The following IL21R variants were observed in gnomAD, a reference collection of about 807,000 sequenced individuals.
IL21R encodes the protein interleukin 21 receptor.
IL21R carries 14 observed loss-of-function variants against 41.3 expected under a neutral mutation model. The ratio of observed to expected loss-of-function variants is 0.34; its 90% CI spans 0.22 to 0.53. The LOEUF (loss-of-function observed/expected upper bound fraction) is 0.53, where lower values mean the gene tolerates loss of function less well. IL21R is among the 20% of genes least tolerant of loss of function. The probability of loss-of-function intolerance (pLI) is 0.94; values close to 1 mark genes in which losing one functional copy is unlikely to be tolerated. For missense variants in IL21R, 588 were observed against 681.6 expected (o/e 0.86, Z 1.53); for synonymous variants, 286 against 287.6 (o/e 0.99, Z 0.05).
intron 3 of IL21R, among the ~76,000 whole-genome samples, chr16:27,436,547 G>T (rs1267550171): frequency 6.6e-6 from 1 of 152,172 alleles, no homozygotes; most frequent in Non-Finnish European, 1.5e-5. Flanking sequence ...ATCCCTACTG[G>T]GCCTAGAGAG....
At chr16:27,426,131 A>G (rs2087073117) in intron 1 of IL21R, among the ~76,000 whole-genome samples, 1 of 152,148 alleles carries the variant, frequency 6.6e-6, no homozygotes, top group Non-Finnish European at 1.5e-5. Flanking sequence ...TGTGATTATC[A>G]TTACTCCCAT....
chr16:27,404,163 C>T (rs2086703505), intron 1 of IL21R, among the ~76,000 whole-genome samples: 1 of 152,170 alleles, frequency 6.6e-6, no homozygotes, highest in Admixed American at 6.5e-5. Context: ...CACCTGCTCC[C>T]CACCGTGGGC....
intron 1 of IL21R, among the ~76,000 whole-genome samples, chr16:27,424,265 G>T (rs1280605317): frequency 6.6e-6 from 1 of 152,010 alleles, no homozygotes; most frequent in Non-Finnish European, 1.5e-5. Context: ...AGTAGAGATG[G>T]GTTTCACCAT....
At chr16:27,440,904 A>G (rs2087376526) in intron 4 of IL21R, among the ~76,000 whole-genome samples, 1 of 151,994 alleles carries the variant, frequency 6.6e-6, no homozygotes, top group South Asian at 2.1e-4. Flanking sequence ...TACAAAAATT[A>G]GCCAGTCATG....
chr16:27,413,445 G>A (rs1313054906), intron 1 of IL21R, among the ~76,000 whole-genome samples: 1 of 151,986 alleles, frequency 6.6e-6, no homozygotes, highest in African/African-American at 2.4e-5. Context: ...GTCTGGCTTT[G>A]GTACTGGGGC....
intron 2 of IL21R, among the ~76,000 whole-genome samples, chr16:27,430,379 T>C (rs998402978): frequency 6.6e-6 from 1 of 152,206 alleles, no homozygotes; most frequent in Non-Finnish European, 1.5e-5. Flanking sequence ...TGTCTTCGGG[T>C]GTCACTGGGG....
At chr16:27,409,790 G>T (rs1295538986) in intron 1 of IL21R, among the ~76,000 whole-genome samples, 3 of 152,050 alleles carry the variant, frequency 2.0e-5, no homozygotes, top group South Asian at 4.2e-4. Context: ...CTTCAAAATT[G>T]TCTAAACTAT....
intron 1 of IL21R, among the ~76,000 whole-genome samples, chr16:27,407,865 C>T (rs1217916459): frequency 6.9e-6 from 1 of 145,230 alleles, no homozygotes; most frequent in Non-Finnish European, 1.5e-5. Flanking sequence ...AACGTATCCT[C>T]ACCAAATACA....
At chr16:27,434,513 C>T (rs2087232897) in intron 3 of IL21R, 64 bp downstream of exon 3, 7 of 1,007,318 alleles carry the variant, frequency 6.9e-6, no homozygotes, top group Middle Eastern at 2.0e-4. Context: ...AGTGATTCCC[C>T]CAGGAGGACA....
chr16:27,416,418 G>A lies in IL21R; in HGVS notation c.-16-13638G>A, dbSNP rs144691149. Among the ~76,000 whole-genome samples the A allele has an allele frequency of 1.4e-4, 21 of 152,210 alleles. No homozygotes were observed. The East Asian group carries it at 3.3e-3, about 24-fold the overall frequency. On this transcript the variant is annotated intron_variant, in intron 1 of 8. Coordinates refer to ENST00000337929, the MANE Select transcript of IL21R (RefSeq NM_181078.3). ...CTCCCAGAGTGCTGGGATTACAGGC[G>A]TGAACCACCGCACCCAGCCTAATTC...
chr16:27,425,076 C>A (rs2087053969), intron 1 of IL21R, among the ~76,000 whole-genome samples: 2 of 152,226 alleles, frequency 1.3e-5, no homozygotes, highest in South Asian at 4.1e-4. Flanking sequence ...TCACCTCCCA[C>A]CAGGCCCCAC....
In IL21R at chr16:27,449,099, C is replaced by T. The variant is rs201496200; in HGVS notation, c.1433C>T (p.Ala478Val). 1.4e-4 allele frequency: 220 copies of T among 1,613,424 alleles called. 2 individuals are homozygous for T. The highest frequency in any genetic ancestry group is 6.3e-4 in the African/African-American group (47 of 75,048). The change falls in exon 9 of 9, where the codon GCG becomes GTG. Residue 478 changes from alanine to valine, a missense_variant. Transcript: ENST00000337929. ...RSPGGVSESE[A>V]GSPLAGLDMD... ...CCTGGAGGGGTCTCAGAGAGTGAGG[C>T]GGGCTCACCCCTGGCCGGCCTGGAT...
chr16:27,437,602 GGCC>G lies in IL21R; in HGVS notation c.269_271del (p.Ala90del). 1 of 1,614,180 alleles carries G rather than the reference GGCC, an allele frequency of 6.2e-7. No homozygotes were observed. Among genetic ancestry groups the G allele is most frequent in the Non-Finnish European group, 8.5e-7 (1 of 1,180,014 alleles). On this transcript the variant is annotated inframe_deletion, in exon 4 of 9. Coordinates refer to ENST00000337929, the MANE Select transcript of IL21R (RefSeq NM_181078.3). ...GCCACATGGATGTATTCCACTTCAT[GGCC>G]GACGACATTTTCAGTGTCAACATCA...
intron 1 of IL21R, among the ~76,000 whole-genome samples, chr16:27,406,214 C>T (rs928824628): frequency 2.0e-5 from 3 of 152,248 alleles, no homozygotes; most frequent in Non-Finnish European, 2.9e-5. Context: ...TGGCCAGCTC[C>T]GCTCCATCTC....
chr16:27,418,994 C>T (rs950603594), intron 1 of IL21R, among the ~76,000 whole-genome samples: 1 of 151,870 alleles, frequency 6.6e-6, no homozygotes, highest in African/African-American at 2.4e-5. Flanking sequence ...GAGGGCGGAT[C>T]GCCTGCAATC....
At chr16:27,443,194 A>G (rs2087421038) in intron 5 of IL21R, 78 bp downstream of exon 5, 2 of 1,317,428 alleles carry the variant, frequency 1.5e-6, no homozygotes, top group South Asian at 3.1e-5. Flanking sequence ...TGGGTGGGAG[A>G]GACGGGTGAA....
At chr16:27,415,073 C>T (rs959980527) in intron 1 of IL21R, among the ~76,000 whole-genome samples, 4 of 152,098 alleles carry the variant, frequency 2.6e-5, no homozygotes, top group African/African-American at 7.2e-5. Context: ...CCTCCGTGGC[C>T]GATCATCCAT....
chr16:27,449,044 GCTGGGGGACTGCC>G lies in IL21R; in HGVS notation c.1385_1397del (p.Gly462ValfsTer89). 1 of 1,612,348 alleles carries G rather than the reference GCTGGGGGACTGCC, an allele frequency of 6.2e-7. No individual in the cohort carries two copies. Among genetic ancestry groups the G allele is most frequent in the Non-Finnish European group, 8.5e-7 (1 of 1,179,638 alleles). ...ACCCCTTGCAGATGGGGAGGACTGG[GCTGGGGGACTGCC>G]CTGGGGTGGCCGGTCACCTGGAGGG... is the stretch of plus-strand genomic sequence containing the variant. On this transcript the variant is annotated frameshift_variant, in exon 9 of 9. Transcript: ENST00000337929. LOFTEE classifies it low-confidence loss of function (END_TRUNC).
chr16:27,438,276 C>T (rs1346977013), intron 4 of IL21R, among the ~76,000 whole-genome samples: 4 of 151,588 alleles, frequency 2.6e-5, no homozygotes, highest in Non-Finnish European at 4.4e-5. Flanking sequence ...GGCGAATGGA[C>T]GACACTGAGT....
Sources: gnomAD v4.1 joint callset for allele counts (sites outside exome capture counted in the v4.1 genomes callset) on GRCh38, gnomAD v4.1.1 for gene constraint, MANE v1.5 for transcripts, NCBI Gene and HGNC (gene_info 2026-07-23, HGNC 2026-07-21) for gene names.